Variants in TMEM196 observed in about 807,000 individuals in gnomAD.
TMEM196 encodes the protein transmembrane protein 196.
In TMEM196, 17 loss-of-function variants were observed where a neutral mutation model predicts 20.0. The observed-to-expected ratio is 0.85, with a 90% CI of 0.58 to 1.27. TMEM196 has a LOEUF of 1.27. Among genes scored for constraint, TMEM196 ranks in the 50% most tolerant of loss-of-function variants. TMEM196 has a pLI of 0.00. For missense variants in TMEM196, 267 were observed against 223.0 expected (o/e 1.20, Z -1.26); for synonymous variants, 113 against 88.9 (o/e 1.27, Z -1.52).
intron 1 of TMEM196, among the ~76,000 whole-genome samples, chr7:19,765,793 G>T (rs930011131): frequency 6.6e-6 from 1 of 151,978 alleles, no homozygotes; most frequent in African/African-American, 2.4e-5. Flanking sequence ...TAGATATTTT[G>T]GTACATTTTC....
At chr7:19,742,847 A>C (rs768384516) in intron 1 of TMEM196, among the ~76,000 whole-genome samples, 15 of 152,286 alleles carry the variant, frequency 9.8e-5, no homozygotes, top group Non-Finnish European at 2.1e-4. Context: ...TTGATGTCTC[A>C]CATACTCTAA....
At position 19,772,700 on chromosome 7, in the gene TMEM196, T is replaced by A; in HGVS notation, c.-4A>T. On this transcript the variant is annotated 5_prime_UTR_variant, in exon 1 of 5. Transcript: ENST00000405844. ...TAATCTGACCGCTGGTGCACATCCT[T>A]CCTCGGTCATCTTCCTTCCAGATCA... 1 of 1,501,012 alleles carries A rather than the reference T, an allele frequency of 6.7e-7. No homozygotes were observed. 93.0% of individuals were successfully genotyped at this position (1,501,012 alleles called of 1,614,324 possible).
intron 4 of TMEM196, 55 bp downstream of exon 4, chr7:19,724,225 G>C: frequency 1.4e-6 from 2 of 1,447,312 alleles, no homozygotes; most frequent in Non-Finnish European, 9.5e-7. Flanking sequence ...TCTGGAAGGG[G>C]AAGTGCTTTC....
At chr7:19,769,481 A>T (rs1785773559) in intron 1 of TMEM196, among the ~76,000 whole-genome samples, 1 of 152,008 alleles carries the variant, frequency 6.6e-6, no homozygotes, top group Non-Finnish European at 1.5e-5. Context: ...CTGGGCCACA[A>T]CCCAACCTGT....
chr7:19,748,346 G>C (rs1293802588), intron 1 of TMEM196, among the ~76,000 whole-genome samples: 1 of 141,546 alleles, frequency 7.1e-6, no homozygotes, highest in Non-Finnish European at 1.5e-5. Flanking sequence ...AGAATTAGAA[G>C]AGACATTATA....
chr7:19,739,593 A>G (rs1295522851), intron 1 of TMEM196, among the ~76,000 whole-genome samples: 1 of 152,088 alleles, frequency 6.6e-6, no homozygotes, highest in Non-Finnish European at 1.5e-5. Flanking sequence ...TGGGGAAAAT[A>G]TTTGCAACAA....
chr7:19,766,666 T>G (rs1159091900), intron 1 of TMEM196, among the ~76,000 whole-genome samples: 1 of 151,586 alleles, frequency 6.6e-6, no homozygotes, highest in African/African-American at 2.4e-5. Context: ...ACCCAAAAAC[T>G]GTTGCAGTTT....
At chr7:19,744,404 G>C (rs148185760) in intron 1 of TMEM196, among the ~76,000 whole-genome samples, 2 of 152,206 alleles carry the variant, frequency 1.3e-5, no homozygotes, top group African/African-American at 4.8e-5. Flanking sequence ...AATAGGTGCT[G>C]GTTCTTAAAG....
intron 1 of TMEM196, among the ~76,000 whole-genome samples, chr7:19,768,033 C>A (rs530481208): frequency 6.6e-6 from 1 of 152,048 alleles, no homozygotes; most frequent in East Asian, 1.9e-4. Flanking sequence ...CCATGGTAAA[C>A]CAACAGTCTA....
chr7:19,734,728 T>A (rs778295263), intron 1 of TMEM196, among the ~76,000 whole-genome samples: 9 of 152,186 alleles, frequency 5.9e-5, no homozygotes, highest in Non-Finnish European at 8.8e-5. Flanking sequence ...AATGTAGCCC[T>A]AAAGACTAAT....
At chr7:19,730,554 T>G (rs1478390536) in intron 1 of TMEM196, among the ~76,000 whole-genome samples, 1 of 152,228 alleles carries the variant, frequency 6.6e-6, no homozygotes, top group Non-Finnish European at 1.5e-5. Context: ...AAGAAAATTT[T>G]TATTCGCAAA....
At chr7:19,736,367 A>ATATATG (rs1784404931) in intron 1 of TMEM196, among the ~76,000 whole-genome samples, 2 of 38,884 alleles carry the variant, frequency 5.1e-5, no homozygotes, top group African/African-American at 1.4e-4. Flanking sequence ...ATATATATAT[A>ATATATG]TATATATATA....
chr7:19,735,633 A>G (rs769261293), intron 1 of TMEM196, among the ~76,000 whole-genome samples: 20 of 152,200 alleles, frequency 1.3e-4, no homozygotes, highest in African/African-American at 1.9e-4. Flanking sequence ...TTTTGGAACC[A>G]TGATTACTGT....
At chr7:19,736,958 C>T (rs1435184682) in intron 1 of TMEM196, among the ~76,000 whole-genome samples, 1 of 151,832 alleles carries the variant, frequency 6.6e-6, no homozygotes, top group Non-Finnish European at 1.5e-5. Context: ...TTTTAGTTAA[C>T]TAGACCTAGA....
At chr7:19,755,305 CT>C (rs1785162971) in intron 1 of TMEM196, among the ~76,000 whole-genome samples, 1 of 152,150 alleles carries the variant, frequency 6.6e-6, no homozygotes, top group African/African-American at 2.4e-5. Context: ...TCCTGGTCGA[CT>C]GCTATTAAAA....
intron 3 of TMEM196, 125 bp downstream of exon 3, chr7:19,725,388 CA>C: frequency 1.6e-6 from 2 of 1,260,132 alleles, no homozygotes; most frequent in Non-Finnish European, 1.1e-6. Context: ...ATTCTTAACC[CA>C]ATAGAGCCAA....
chr7:19,725,459 T>A, intron 3 of TMEM196, 55 bp downstream of exon 3: 1 of 1,538,764 alleles, frequency 6.5e-7, no homozygotes, highest in Non-Finnish European at 8.8e-7. Context: ...TCACCCAGAG[T>A]GGACTTCAGT....
At chr7:19,730,179 C>T (rs1390383283) in intron 1 of TMEM196, among the ~76,000 whole-genome samples, 4 of 151,620 alleles carry the variant, frequency 2.6e-5, no homozygotes, top group Non-Finnish European at 5.9e-5. Flanking sequence ...TGGCGTGAAC[C>T]TGGGAGGCGA....
At chr7:19,765,645 C>G (rs150242350) in intron 1 of TMEM196, among the ~76,000 whole-genome samples, 1 of 152,022 alleles carries the variant, frequency 6.6e-6, no homozygotes, top group Non-Finnish European at 1.5e-5. Context: ...ATATAATTAT[C>G]TTGTTAATCT....
Sources: gnomAD v4.1 joint callset for allele counts (sites outside exome capture counted in the v4.1 genomes callset) on GRCh38, gnomAD v4.1.1 for gene constraint, MANE v1.5 for transcripts, NCBI Gene and HGNC (gene_info 2026-07-23, HGNC 2026-07-21) for gene names.